Variants in ASB10 observed in about 807,000 individuals in gnomAD.
The protein encoded by ASB10 is ankyrin repeat and SOCS box containing 10.
ASB10 carries 44 observed loss-of-function variants against 35.4 expected under a neutral mutation model. The ratio of observed to expected loss-of-function variants is 1.24; its 90% confidence interval spans 0.98 to 1.60. ASB10 has a LOEUF of 1.60. Ranked by LOEUF, ASB10 falls within the 40% of genes most tolerant of loss-of-function variation. The pLI is 0.00. For synonymous variants in ASB10, 294 were observed against 280.4 expected (o/e 1.05, Z -0.49); for missense variants, 647 against 634.3 (o/e 1.02, Z -0.22).
chr7:151,178,276 C>T (rs1801426165), intron 3 of ASB10, among the ~76,000 whole-genome samples: 1 of 152,100 alleles, frequency 6.6e-6, no homozygotes, highest in Non-Finnish European at 1.5e-5. Context: ...GGTCAGGGGA[C>T]TGAGCATGGT....
rs104886485 is a variant in ASB10 at position 151,180,947 on chromosome 7, G to C, written c.1096C>G (p.Leu366Val). The C allele has an allele frequency of 6.5e-7, 1 of 1,533,102 alleles. No homozygotes were observed. Among genetic ancestry groups the C allele is most frequent in the African/African-American group, 1.4e-5 (1 of 72,996 alleles). 95.0% of individuals were successfully genotyped at this position (1,533,102 alleles called of 1,614,324 possible). Residue 366 changes from leucine (L) to valine (V), a missense_variant, in exon 3 of 6, where the codon CTC becomes GTC. By Grantham distance (32) the Leu-to-Val change is conservative. Transcript: ENST00000420175. The part of the protein sequence containing the change: ...HGAVRVWPGA[L>V]PKVLERWSTC... ...GCCTGCAGCCCCCATACCTTGGGGA[G>C]GGCCCCTGGCCAGACACGGACGGCG...
rs763212124 is a variant in ASB10 at position 151,180,903 on chromosome 7, C to T, written c.1104+36G>A. 1.3e-5 allele frequency: 19 copies of T among 1,454,382 alleles called. No homozygotes were observed. The African/African-American group carries it at 1.4e-4, about 11-fold the overall frequency. 90.1% of individuals were successfully genotyped at this position (1,454,382 alleles called of 1,614,324 possible). Reference sequence around the variant, plus strand: ...AGGCCCAGGTCTCCCTGTCCCCTCACCATGGTGGCCCTCCTGCTGCCTGCA... The same window carrying T: ...AGGCCCAGGTCTCCCTGTCCCCTCATCATGGTGGCCCTCCTGCTGCCTGCA... On this transcript the variant is annotated intron_variant, in intron 3 of 5. Coordinates refer to ENST00000420175, the MANE Select transcript of ASB10 (RefSeq NM_001142459.2).
chr7:151,181,019 G>A lies in ASB10; in HGVS notation c.1024C>T (p.Leu342=), dbSNP rs61734407. 5.2e-3 allele frequency: 8,421 copies of A among 1,606,700 alleles called. 68 individuals carry two copies. The highest frequency in any genetic ancestry group is 0.016 in the Middle Eastern group (93 of 5,978). ...ACCACGTGCTCGGGGCTCTGGGCCA[G>A]GGCTGCAGCTGGGCCCTGCAGAGCA... The part of the protein sequence containing the change: ...HCALQGPAAA[L]AQSPEHVVRA... The change falls in exon 3 of 6, where the codon CTG becomes TTG. Residue 342 remains leucine (L), a synonymous_variant. Transcript: ENST00000420175.
At chr7:151,180,019 G>A (rs542929229) in intron 3 of ASB10, among the ~76,000 whole-genome samples, 10 of 152,328 alleles carry the variant, frequency 6.6e-5, no homozygotes, top group East Asian at 3.9e-4. Context: ...GTGAGCAAAG[G>A]GGAGAGGCTG....
intron 3 of ASB10, among the ~76,000 whole-genome samples, chr7:151,177,274 ACT>A (rs1447627275): frequency 6.6e-6 from 1 of 152,268 alleles, no homozygotes; most frequent in Non-Finnish European, 1.5e-5. Context: ...TGAACTCTTC[ACT>A]GTTGTCCCTG....
chr7:151,176,197 C>A lies in ASB10; in HGVS notation c.1319G>T (p.Ser440Ile), dbSNP rs1255332685. The A allele has an allele frequency of 1.9e-6, 3 of 1,610,358 alleles. No homozygotes were observed. Among genetic ancestry groups the A allele is most frequent in the Admixed American group, 3.3e-5 (2 of 59,758 alleles). ...GAGGCGGGGCAGCGCTTGGGGCAGG[C>A]TGCCCTCCAGGTGGGAGCGGAGCGC... ...RCALRSHLEG[S>I]LPQALPRLPL... Residue 440 changes from serine to isoleucine, a missense_variant, in exon 5 of 6, where the codon AGC becomes ATC. Transcript: ENST00000420175.
At chr7:151,182,901 T>C (rs1801520498) in intron 2 of ASB10, among the ~76,000 whole-genome samples, 2 of 152,218 alleles carry the variant, frequency 1.3e-5, no homozygotes, top group African/African-American at 4.8e-5. Context: ...CCTGTCTGAC[T>C]TTCTATATCT....
Position 151,186,679 on chromosome 7 carries a change from G to A in ASB10, c.317-20C>T, listed in dbSNP as rs1801601902. On this transcript the variant is annotated intron_variant, in intron 1 of 5. Transcript: ENST00000420175. ...AGAGTCCTAGGGAGGGGAGACGTGG[G>A]CCTCAGATCCCCAGGGAAGGCAGAG... is the stretch of plus-strand genomic sequence containing the variant. The A allele has an allele frequency of 6.3e-7, 1 of 1,585,808 alleles. No individual in the cohort carries two copies. The highest frequency in any genetic ancestry group is 8.6e-7 in the Non-Finnish European group (1 of 1,162,946).
Position 151,186,914 on chromosome 7 carries a change from T to C in ASB10, c.217A>G (p.Ile73Val). 6.2e-7 allele frequency: 1 copy of C among 1,613,982 alleles called. No individual in the cohort carries two copies. The highest frequency in any genetic ancestry group is 8.5e-7 in the Non-Finnish European group (1 of 1,180,022). Residue 73 changes from isoleucine (I) to valine (V), a missense_variant, in exon 1 of 6, where the codon ATC (isoleucine) becomes GTC (valine). Ile to Val is a conservative substitution (Grantham distance 29). Coordinates refer to ENST00000420175, the MANE Select transcript of ASB10 (RefSeq NM_001142459.2). Reference protein sequence around the residue: ...LAGDVGCVSRILADSSTGLAP... With the variant: ...LAGDVGCVSRVLADSSTGLAP... ...AGGCCAGTACTGGAGTCCGCGAGGATGCGGGAGACACAGCCCACGTCCCCA... is the reference window on the plus strand; with the variant it reads ...AGGCCAGTACTGGAGTCCGCGAGGACGCGGGAGACACAGCCCACGTCCCCA...
intron 5 of ASB10, 66 bp from the exon 6 acceptor site, chr7:151,176,032 C>T (rs1186355182): frequency 5.3e-6 from 8 of 1,510,658 alleles, no homozygotes; most frequent in Admixed American, 1.9e-5. Flanking sequence ...CTGGCTAGGG[C>T]CCTCCCCAAC....
chr7:151,183,256 G>T (rs74404509), intron 2 of ASB10, among the ~76,000 whole-genome samples: 2,988 of 152,280 alleles, frequency 0.02, 39 homozygotes, highest in Non-Finnish European at 0.03. Context: ...CAAAAAATTA[G>T]CTGGGAATGG....
chr7:151,186,492 C>T lies in ASB10; in HGVS notation c.484G>A (p.Ala162Thr), dbSNP rs772751713. The T allele has an allele frequency of 1.0e-5, 16 of 1,600,794 alleles. No individual in the cohort carries two copies. The highest frequency in any genetic ancestry group is 1.3e-5 in the African/African-American group (1 of 74,656). ...GCCACCAGCAGCACATGAACACAGG[C>T]AGTGTGGCCTGCAGCACAGGCCTCG... ...LHEACAAGHT[A>T]CVHVLLVAGA... The change falls in exon 2 of 6, where the codon GCC (alanine) becomes ACC (threonine). Residue 162 changes from alanine to threonine, a missense_variant. Physicochemically the swap from Ala to Thr is moderately conservative, Grantham distance 58. Coordinates refer to ENST00000420175, the MANE Select transcript of ASB10 (RefSeq NM_001142459.2).
At position 151,181,053 on chromosome 7, in the gene ASB10, G is replaced by A; in HGVS notation, c.990C>T (p.Pro330=). The change falls in exon 3 of 6, where the codon CCC becomes CCT. Residue 330 remains proline (P), a synonymous_variant. Transcript: ENST00000420175. The part of the protein sequence containing the change: ...ANTMDYGGHT[P]LHCALQGPAA... ...CTGGGCCCTGCAGAGCACAGTGCAG[G>A]GGCGTGTGTCCCCCATAGTCCATGG... is the stretch of plus-strand genomic sequence containing the variant. 6.2e-7 allele frequency: 1 copy of A among 1,612,402 alleles called. No individual in the cohort carries two copies. Among genetic ancestry groups the A allele is most frequent in the Non-Finnish European group, 8.5e-7 (1 of 1,179,824 alleles).
At position 151,176,574 on chromosome 7, in the gene ASB10, C is replaced by T; in HGVS notation, c.1207G>A (p.Glu403Lys). The change falls in exon 4 of 6, where the codon GAA becomes AAA. Residue 403 changes from glutamate (E) to lysine (K), a missense_variant. Transcript: ENST00000420175. ...CCTTGGAATCTGACCTGCAGAGTTT[C>T]AGGAGTCACCAGGCCGACGGCCTCC... ...PEEAVGLVTP[E>K]TLQKHQRFYS... The T allele has an allele frequency of 6.4e-7, 1 of 1,550,994 alleles. No homozygotes were observed. Among genetic ancestry groups the T allele is most frequent in the African/African-American group, 1.4e-5 (1 of 73,132 alleles).
rs566612362 is a variant in ASB10, at chr7:151,186,241, G to A, written c.584+151C>T. On this transcript the variant is annotated intron_variant, in intron 2 of 5. Transcript: ENST00000420175. ...TCCAAAGTTCATGGGGTCAACGGGT[G>A]GATGGCTTGGGAAGTAATTGCACCC... 7 of 986,428 alleles carry A rather than the reference G, an allele frequency of 7.1e-6. No individual in the cohort carries two copies. In the African/African-American group the frequency reaches 1.2e-4, roughly 16 times the overall value. 61.1% of individuals were successfully genotyped at this position (986,428 alleles called of 1,614,324 possible).
At chr7:151,176,090 G>T (rs1801380065) in intron 5 of ASB10, 22 bp downstream of exon 5, 1 of 1,607,718 alleles carries the variant, frequency 6.2e-7, no homozygotes, top group Non-Finnish European at 8.5e-7. Flanking sequence ...AGCTGTGACT[G>T]CTCACAGATC....
In ASB10 at chr7:151,176,150, G is replaced by T; in HGVS notation, c.1366C>A (p.Arg456Ser). Residue 456 changes from arginine to serine, a missense_variant, in exon 5 of 6, where the codon CGC (arginine) becomes AGC (serine). By Grantham distance (110) the Arg-to-Ser change is moderately radical. Transcript: ENST00000420175. ...CCCTCAAAATCCAGCTGCAGGTAGC[G>T]GAGCAGGCGCGGTGGCAGGGGGAGG... ...PRLPLPPRLL[R>S]YLQLDFEGVL... is the part of the protein sequence containing the mutation. 6.2e-7 allele frequency: 1 copy of T among 1,611,922 alleles called. No individual in the cohort carries two copies. The highest frequency in any genetic ancestry group is 8.5e-7 in the Non-Finnish European group (1 of 1,179,842).
intron 2 of ASB10, among the ~76,000 whole-genome samples, chr7:151,182,227 A>G (rs1314771231): frequency 6.6e-6 from 1 of 152,028 alleles, no homozygotes; most frequent in Non-Finnish European, 1.5e-5. Flanking sequence ...CTGGAGGAGG[A>G]AGGGGGCGTG....
chr7:151,181,749 A>T (rs1237059956), intron 2 of ASB10, among the ~76,000 whole-genome samples: 3 of 151,594 alleles, frequency 2.0e-5, no homozygotes, highest in Admixed American at 6.6e-5. Flanking sequence ...AGTAGCTGGG[A>T]TTACAGGCTC....
Sources: allele counts gnomAD v4.1 joint callset (sites outside exome capture counted in the v4.1 genomes callset), GRCh38; gene constraint gnomAD v4.1.1; transcripts MANE v1.5; gene names NCBI Gene and HGNC (gene_info 2026-07-23, HGNC 2026-07-21).